SLC30A7: variants seen among roughly 807,000 people sequenced by gnomAD.
SLC30A7 encodes the protein solute carrier family 30 member 7.
SLC30A7 carries 35 observed loss-of-function variants against 46.0 expected under a neutral mutation model. The observed-to-expected ratio is 0.76, with a 90% CI of 0.58 to 1.01. The LOEUF (loss-of-function observed/expected upper bound fraction) is 1.01, where lower values mean the gene tolerates loss of function less well. Among genes scored for constraint, SLC30A7 ranks in the 50% least tolerant of loss-of-function variants. The probability of loss-of-function intolerance (pLI) is 0.00; values close to 1 mark genes in which losing one functional copy is unlikely to be tolerated. For synonymous variants in SLC30A7, 147 were observed against 157.8 expected, an observed-to-expected ratio of 0.93 and a Z score of 0.51; for missense variants, 464 against 451.1, an observed-to-expected ratio of 1.03 and a Z score of -0.26.
chr1:100,911,973 A>G (rs1308821279), intron 4 of SLC30A7, 139 bp from the exon 5 acceptor site: 4 of 686,342 alleles, frequency 5.8e-6, no homozygotes, highest in Non-Finnish European at 9.9e-6. Flanking sequence ...TTTTATTTCT[A>G]TCAACTGTTT....
chr1:100,994,377 C>T, the SLC30A7 span, among the ~76,000 whole-genome samples: 1 of 152,064 alleles, frequency 6.6e-6, no homozygotes, highest in East Asian at 1.9e-4. Context: ...TTCAAATGCT[C>T]CTTAGTCACA....
chr1:100,988,463 T>G, the SLC30A7 span, among the ~76,000 whole-genome samples: 1 of 152,250 alleles, frequency 6.6e-6, no homozygotes, highest in South Asian at 2.1e-4. Context: ...ATTATATAGT[T>G]CTTAAATGTT....
At position 100,913,376 on chromosome 1, in the gene SLC30A7, A is replaced by C. The variant is rs558955171; in HGVS notation, c.512-287A>C. On this transcript the variant is annotated intron_variant, in intron 5 of 10. Coordinates refer to ENST00000357650, the MANE Select transcript of SLC30A7 (RefSeq NM_133496.5). ...TTACCAATAAATATTTCTCAAATGA[A>C]TGAATATCATTATCTGACCTCTTTG... is the stretch of plus-strand genomic sequence containing the variant. 1.3e-5 allele frequency among the ~76,000 whole-genome samples: 2 copies of C among 152,332 alleles called. 1 individual carries two copies. The highest frequency in any genetic ancestry group is 4.8e-5 in the African/African-American group (2 of 41,574).
At chr1:100,952,861 G>A (rs536861052) in intron 8 of SLC30A7, among the ~76,000 whole-genome samples, 1 of 152,310 alleles carries the variant, frequency 6.6e-6, no homozygotes, top group East Asian at 1.9e-4. Context: ...ATATTGTGAG[G>A]AAATGATAGG....
At chr1:100,902,638 T>A (rs931018523) in intron 2 of SLC30A7, among the ~76,000 whole-genome samples, 1 of 152,220 alleles carries the variant, frequency 6.6e-6, no homozygotes, top group African/African-American at 2.4e-5. Context: ...ATCTGTTCCA[T>A]GATCTTTCTG....
intron 8 of SLC30A7, among the ~76,000 whole-genome samples, chr1:100,937,858 T>G (rs1474081870): frequency 6.6e-6 from 1 of 152,224 alleles, no homozygotes; most frequent in African/African-American, 2.4e-5. Flanking sequence ...CTATGTTTTC[T>G]TCTAAGAGTT....
intron 8 of SLC30A7, among the ~76,000 whole-genome samples, chr1:100,960,930 TATTA>T (rs1471418176): frequency 1.3e-5 from 2 of 150,264 alleles, no homozygotes; most frequent in Middle Eastern, 3.5e-3. Flanking sequence ...ACCATTCTAC[TATTA>T]ATTGTTTTGT....
intron 7 of SLC30A7, among the ~76,000 whole-genome samples, chr1:100,921,257 C>T (rs1358477560): frequency 6.6e-6 from 1 of 151,936 alleles, no homozygotes; most frequent in Non-Finnish European, 1.5e-5. Context: ...AAATTGTAGT[C>T]CCAAATGGTA....
rs542725535 is a variant in SLC30A7, at chr1:100,934,301, G to C, written c.842+12460G>C. Among the ~76,000 whole-genome samples, 3 of 152,260 alleles carry C rather than the reference G, an allele frequency of 2.0e-5. No individual in the cohort carries two copies. In the East Asian group the frequency reaches 5.8e-4, roughly 29 times the overall value. On this transcript the variant is annotated intron_variant, in intron 8 of 10. Coordinates refer to ENST00000357650, the MANE Select transcript of SLC30A7 (RefSeq NM_133496.5). ...AGCCAAGGCTAATAATGGAAAATAA[G>C]AATTCTCAGAATATGGCCTACTTCA...
In SLC30A7 at chr1:100,906,970, G is replaced by T; in HGVS notation, c.296+5G>T. ...TAATGATGCTTTCTCCTATGGGTAA[G>T]ACTTTAAGAAAAAAAATCTTTTTAT... On this transcript the variant is annotated splice_donor_5th_base_variant and intron_variant, in intron 3 of 10. Coordinates refer to ENST00000357650, the MANE Select transcript of SLC30A7 (RefSeq NM_133496.5). 6.4e-7 allele frequency: 1 copy of T among 1,569,646 alleles called. No individual in the cohort carries two copies. Among genetic ancestry groups the T allele is most frequent in the South Asian group, 1.1e-5 (1 of 88,828 alleles).
chr1:100,912,314 G>C, intron 5 of SLC30A7, 76 bp downstream of exon 5: 1 of 1,496,088 alleles, frequency 6.7e-7, no homozygotes, highest in Non-Finnish European at 9.2e-7. Context: ...AGAGAATTAA[G>C]TTAAACTATA....
the SLC30A7 span, chr1:100,990,232 G>GC: frequency 1.6e-6 from 1 of 615,222 alleles, no homozygotes; most frequent in Middle Eastern, 4.4e-4. Context: ...TCTCATGAAA[G>GC]CTCACTATCA....
intron 8 of SLC30A7, among the ~76,000 whole-genome samples, chr1:100,939,781 G>A (rs546502404): frequency 1.3e-5 from 2 of 151,830 alleles, no homozygotes; most frequent in Non-Finnish European, 2.9e-5. Context: ...CCCAGGAGGT[G>A]GAGCTTGCAG....
chr1:100,925,814 T>G (rs1279981083), intron 8 of SLC30A7, among the ~76,000 whole-genome samples: 1 of 152,016 alleles, frequency 6.6e-6, no homozygotes, highest in African/African-American at 2.4e-5. Context: ...AGACAAAGAG[T>G]GTACAAATAG....
intron 10 of SLC30A7, 53 bp from the exon 11 acceptor site, chr1:100,974,757 A>G (rs1656362277): frequency 1.5e-6 from 2 of 1,303,132 alleles, no homozygotes; most frequent in Non-Finnish European, 1.1e-6. Context: ...TGAAATGTGT[A>G]GGGTGTTATT....
At chr1:100,986,903 CTA>C in the SLC30A7 span, among the ~76,000 whole-genome samples, 5 of 151,678 alleles carry the variant, frequency 3.3e-5, no homozygotes, top group African/African-American at 7.3e-5. Flanking sequence ...GAGCTAAACA[CTA>C]TTAAATAATC....
intron 5 of SLC30A7, 47 bp from the exon 6 acceptor site, chr1:100,913,616 T>C (rs777052819): frequency 7.1e-7 from 1 of 1,409,854 alleles, no homozygotes; most frequent in East Asian, 2.3e-5. Context: ...TAACCATTTA[T>C]ATAATATATT....
intron 9 of SLC30A7, among the ~76,000 whole-genome samples, chr1:100,964,721 A>C (rs1234707881): frequency 6.6e-6 from 1 of 152,218 alleles, no homozygotes; most frequent in Non-Finnish European, 1.5e-5. Flanking sequence ...ATATGGAAGT[A>C]GGAGAAATCT....
chr1:100,983,386 A>C (rs565332385), downstream of SLC30A7, among the ~76,000 whole-genome samples: 373 of 146,046 alleles, frequency 2.6e-3, 6 homozygotes, highest in African/African-American at 5.2e-3. Flanking sequence ...AAAAAAAAAA[A>C]AAAACAAAAC....
Sources: gnomAD v4.1 joint callset for allele counts (sites outside exome capture counted in the v4.1 genomes callset) on GRCh38, gnomAD v4.1.1 for gene constraint, MANE v1.5 for transcripts, NCBI Gene and HGNC (gene_info 2026-07-23, HGNC 2026-07-21) for gene names.